ELOVL7: variants seen among roughly 807,000 people sequenced by gnomAD.
The protein encoded by ELOVL7 is ELOVL fatty acid elongase 7.
ELOVL7 carries 27 observed loss-of-function variants against 35.7 expected under a neutral mutation model. The ratio of observed to expected loss-of-function variants is 0.76; its 90% CI spans 0.56 to 1.04. ELOVL7 has a LOEUF of 1.04. Ranked by LOEUF, ELOVL7 falls within the 50% of genes least tolerant of loss-of-function variation. The pLI is 0.00. For synonymous variants in ELOVL7, 113 were observed against 114.6 expected, an observed-to-expected ratio of 0.99 and a Z score of 0.09; for missense variants, 327 against 340.8, an observed-to-expected ratio of 0.96 and a Z score of 0.32.
chr5:60,755,483 C>G (rs1164820205), intron 8 of ELOVL7, among the ~76,000 whole-genome samples: 1 of 152,060 alleles, frequency 6.6e-6, no homozygotes, highest in African/African-American at 2.4e-5. Flanking sequence ...ATAGCGAAAC[C>G]CCATCTCTAC....
chr5:60,783,426 C>T (rs1048329834), intron 3 of ELOVL7, among the ~76,000 whole-genome samples: 3 of 152,154 alleles, frequency 2.0e-5, no homozygotes, highest in African/African-American at 7.2e-5. Context: ...ACTTTTCTGG[C>T]CTTCTCTCTC....
intron 1 of ELOVL7, among the ~76,000 whole-genome samples, chr5:60,832,980 A>G (rs2112390571): frequency 1.3e-5 from 2 of 152,252 alleles, no homozygotes; most frequent in South Asian, 4.2e-4. Flanking sequence ...CATTGCATTG[A>G]CTTGAGCTTC....
chr5:60,802,897 A>AGTAT (rs1744726377), intron 1 of ELOVL7, among the ~76,000 whole-genome samples: 1 of 152,236 alleles, frequency 6.6e-6, no homozygotes, highest in South Asian at 2.1e-4. Flanking sequence ...GTTTTCTCAT[A>AGTAT]GTATAAGAAG....
intron 1 of ELOVL7, among the ~76,000 whole-genome samples, chr5:60,806,913 C>T (rs1744958451): frequency 6.6e-6 from 1 of 152,132 alleles, no homozygotes. Context: ...AATAAATGGT[C>T]AAAAGAAAAA....
chr5:60,759,751 T>C (rs1397739388), intron 7 of ELOVL7, among the ~76,000 whole-genome samples: 1 of 152,124 alleles, frequency 6.6e-6, no homozygotes, highest in Non-Finnish European at 1.5e-5. Context: ...ACTTGTCATT[T>C]AGCATTAGGT....
chr5:60,762,999 A>G (rs1651075247), intron 7 of ELOVL7, among the ~76,000 whole-genome samples: 1 of 152,240 alleles, frequency 6.6e-6, no homozygotes, highest in Non-Finnish European at 1.5e-5. Flanking sequence ...AAACACAGAA[A>G]GTAAGGATAA....
chr5:60,761,671 C>CA (rs752135416), intron 7 of ELOVL7, among the ~76,000 whole-genome samples: 2 of 151,982 alleles, frequency 1.3e-5, no homozygotes, highest in East Asian at 3.9e-4. Context: ...ACAGTTTTTT[C>CA]ATAAAAGGTA....
chr5:60,834,757 G>C (rs1423307195), intron 1 of ELOVL7, among the ~76,000 whole-genome samples: 1 of 152,132 alleles, frequency 6.6e-6, no homozygotes, highest in East Asian at 1.9e-4. Context: ...AGACTAACAG[G>C]AGCAGGAATT....
At chr5:60,784,256 A>G in intron 3 of ELOVL7, 1 of 711,590 alleles carries the variant, frequency 1.4e-6, no homozygotes, top group Non-Finnish European at 2.2e-6. Flanking sequence ...TTTTTGAAGT[A>G]TTAAAGTTTC....
At chr5:60,803,958 C>T (rs1451082460) in intron 1 of ELOVL7, among the ~76,000 whole-genome samples, 1 of 152,138 alleles carries the variant, frequency 6.6e-6, no homozygotes, top group East Asian at 1.9e-4. Flanking sequence ...GACTTAAATG[C>T]CTCTAGAAAA....
intron 7 of ELOVL7, among the ~76,000 whole-genome samples, chr5:60,762,064 C>G (rs578128536): frequency 2.6e-5 from 4 of 151,886 alleles, no homozygotes; most frequent in Non-Finnish European, 5.9e-5. Context: ...AACAGAAGTG[C>G]CAATGCATGG....
intron 2 of ELOVL7, among the ~76,000 whole-genome samples, chr5:60,790,010 G>A (rs765027246): frequency 1.8e-4 from 27 of 152,030 alleles, no homozygotes; most frequent in Non-Finnish European, 2.4e-4. Flanking sequence ...GGTGGCAGGC[G>A]CCTGTAATTC....
At position 60,797,809 on chromosome 5, in the gene ELOVL7, C is replaced by T. The variant is rs75235496; in HGVS notation, c.-35+1371G>A. ...AATGGGAAAGGAAAATATCTTGGGCCCCCAAAGTCACTAAAGGGAAAAAGC... is the reference window on the plus strand; with the variant it reads ...AATGGGAAAGGAAAATATCTTGGGCTCCCAAAGTCACTAAAGGGAAAAAGC... On this transcript the variant is annotated intron_variant, in intron 2 of 8. Coordinates refer to ENST00000508821, the MANE Select transcript of ELOVL7 (RefSeq NM_024930.3). Among the ~76,000 whole-genome samples the T allele has an allele frequency of 8.1e-3, 1,237 of 152,226 alleles. 14 individuals carry two copies. The highest frequency in any genetic ancestry group is 0.028 in the African/African-American group (1,161 of 41,542).
At chr5:60,773,620 TTAAGAATTTAATATA>T (rs1312135469) in intron 3 of ELOVL7, among the ~76,000 whole-genome samples, 5 of 152,068 alleles carry the variant, frequency 3.3e-5, no homozygotes, top group African/African-American at 1.2e-4. Context: ...CCCAGGACAT[TTAAGAATTTAATATA>T]TGATTAAGGA....
chr5:60,838,125 T>C (rs1746940333), intron 1 of ELOVL7, among the ~76,000 whole-genome samples: 1 of 152,168 alleles, frequency 6.6e-6, no homozygotes, highest in Non-Finnish European at 1.5e-5. Flanking sequence ...ACTGACATTA[T>C]GATAAAATCC....
chr5:60,825,562 C>T (rs1048443590), intron 1 of ELOVL7, among the ~76,000 whole-genome samples: 1 of 152,198 alleles, frequency 6.6e-6, no homozygotes, highest in Admixed American at 6.5e-5. Flanking sequence ...ACTCTTACCT[C>T]TCTGGCACCT....
rs559223745 is a variant in ELOVL7, at chr5:60,754,515, T to A, written c.*109A>T. ...ACATCCCAATAACTTACCATAAAAA[T>A]ACAAGCTCTTAGTTTTGAAAAATAT... On this transcript the variant is annotated 3_prime_UTR_variant, in exon 9 of 9. Coordinates refer to ENST00000508821, the MANE Select transcript of ELOVL7 (RefSeq NM_024930.3). The A allele has an allele frequency of 8.3e-6, 8 of 962,280 alleles. No individual in the cohort carries two copies. In the Admixed American group the frequency reaches 2.1e-4, roughly 26 times the overall value. 59.6% of individuals were successfully genotyped at this position (962,280 alleles called of 1,614,324 possible).
intron 2 of ELOVL7, 156 bp from the exon 3 acceptor site, chr5:60,787,587 T>G: frequency 2.1e-6 from 1 of 471,188 alleles, no homozygotes; most frequent in South Asian, 2.7e-5. Flanking sequence ...TAAATTACTT[T>G]AAACCCTGAT....
intron 3 of ELOVL7, among the ~76,000 whole-genome samples, chr5:60,781,416 T>G (rs187147718): frequency 3.0e-4 from 46 of 152,216 alleles, no homozygotes; most frequent in Non-Finnish European, 2.5e-4. Context: ...AATTGCTGAA[T>G]GAGAGATATA....
Sources: gnomAD v4.1 joint callset for allele counts (sites outside exome capture counted in the v4.1 genomes callset) on GRCh38, gnomAD v4.1.1 for gene constraint, MANE v1.5 for transcripts, NCBI Gene and HGNC (gene_info 2026-07-23, HGNC 2026-07-21) for gene names.